CTNNA2: variants seen among roughly 807,000 people sequenced by gnomAD.
The protein encoded by CTNNA2 is catenin alpha-2.
CTNNA2 carries 42 observed loss-of-function variants against 101.0 expected under a neutral mutation model. The ratio of observed to expected loss-of-function variants is 0.42; its 90% confidence interval spans 0.32 to 0.54. The LOEUF is 0.54. Ranked by LOEUF, CTNNA2 falls within the 20% of genes least tolerant of loss-of-function variation. CTNNA2 has a pLI of 0.14. For missense variants in CTNNA2, 871 were observed against 1,223.1 expected, an observed-to-expected ratio of 0.71 and a Z score of 4.29; for synonymous variants, 450 against 456.4, an observed-to-expected ratio of 0.99 and a Z score of 0.18.
chr2:80,060,540 C>G (rs1366763383), intron 7 of CTNNA2, among the ~76,000 whole-genome samples: 1 of 152,196 alleles, frequency 6.6e-6, no homozygotes, highest in East Asian at 1.9e-4. Context: ...CCTCGCGTGC[C>G]TACCTCTCCC....
At chr2:80,553,042 C>A (rs1692711691) in intron 11 of CTNNA2, among the ~76,000 whole-genome samples, 1 of 148,092 alleles carries the variant, frequency 6.8e-6, no homozygotes, top group South Asian at 2.2e-4. Context: ...CATGGTGAAA[C>A]CCTGTCTTTA....
intron 16 of CTNNA2, among the ~76,000 whole-genome samples, chr2:80,607,416 G>T (rs1321303509): frequency 6.6e-6 from 1 of 151,850 alleles, no homozygotes; most frequent in African/African-American, 2.4e-5. Context: ...GTCTCTAGAA[G>T]TGTTCAGCCA....
chr2:80,442,657 C>T (rs1682698882), intron 9 of CTNNA2, among the ~76,000 whole-genome samples: 1 of 152,184 alleles, frequency 6.6e-6, no homozygotes, highest in Non-Finnish European at 1.5e-5. Flanking sequence ...TTTTACCCCT[C>T]TCTGTTTCCT....
chr2:79,431,776 T>C (rs140360175), intron 4 of CTNNA2, among the ~76,000 whole-genome samples: 2 of 152,262 alleles, frequency 1.3e-5, no homozygotes, highest in East Asian at 3.9e-4. Flanking sequence ...TATTCAGTAA[T>C]TGTTCTTAGC....
At chr2:80,028,840 G>T (rs1202076543) in intron 7 of CTNNA2, among the ~76,000 whole-genome samples, 1 of 152,178 alleles carries the variant, frequency 6.6e-6, no homozygotes, top group Non-Finnish European at 1.5e-5. Context: ...AAAAGATAAG[G>T]AAATAGATTT....
At chr2:79,533,498 G>GA (rs1277906383) in intron 1 of CTNNA2, among the ~76,000 whole-genome samples, 1 of 151,844 alleles carries the variant, frequency 6.6e-6, no homozygotes, top group Non-Finnish European at 1.5e-5. Context: ...TTGAGACTTA[G>GA]AAAAAAACAC....
At chr2:79,219,430 T>G (rs986172661) in intron 2 of CTNNA2, among the ~76,000 whole-genome samples, 2 of 152,214 alleles carry the variant, frequency 1.3e-5, no homozygotes, top group South Asian at 4.1e-4. Flanking sequence ...ATGTGGCTGG[T>G]GCAACTGAGG....
At chr2:80,004,426 C>T (rs1693182261) in intron 7 of CTNNA2, among the ~76,000 whole-genome samples, 1 of 152,100 alleles carries the variant, frequency 6.6e-6, no homozygotes, top group African/African-American at 2.4e-5. Flanking sequence ...ATGAACAAGT[C>T]AGAGATCGTT....
intron 2 of CTNNA2, among the ~76,000 whole-genome samples, chr2:79,671,598 C>G (rs1213450329): frequency 6.6e-6 from 1 of 152,170 alleles, no homozygotes; most frequent in Non-Finnish European, 1.5e-5. Flanking sequence ...CAATGGATTC[C>G]TTTTTAAGTG....
intron 1 of CTNNA2, among the ~76,000 whole-genome samples, chr2:79,563,165 A>G (rs979545464): frequency 2.9e-4 from 25 of 85,644 alleles, no homozygotes; most frequent in Non-Finnish European, 4.8e-4. Flanking sequence ...AGATGTGTAT[A>G]TATATATATA....
chr2:80,525,554 C>T (rs1689963159), intron 9 of CTNNA2, among the ~76,000 whole-genome samples: 1 of 152,182 alleles, frequency 6.6e-6, no homozygotes, highest in Non-Finnish European at 1.5e-5. Flanking sequence ...ACCCTGAATT[C>T]AGCTAAGCCT....
intron 7 of CTNNA2, among the ~76,000 whole-genome samples, chr2:79,995,463 T>C (rs183405806): frequency 2.8e-4 from 43 of 151,848 alleles, no homozygotes; most frequent in African/African-American, 9.7e-4. Context: ...CAAATCCAGA[T>C]TATCTACACA....
chr2:79,286,275 G>A (rs1286794710), intron 2 of CTNNA2, among the ~76,000 whole-genome samples: 2 of 152,118 alleles, frequency 1.3e-5, no homozygotes, highest in Non-Finnish European at 2.9e-5. Context: ...ATATTGTTAT[G>A]TGTGAATTTG....
At chr2:79,569,101 T>C (rs558788509) in intron 1 of CTNNA2, among the ~76,000 whole-genome samples, 4 of 152,192 alleles carry the variant, frequency 2.6e-5, no homozygotes, top group Non-Finnish European at 5.9e-5. Flanking sequence ...TAATCATTCA[T>C]TGATTTATTT....
At chr2:79,645,532 T>A (rs1007623718) in intron 1 of CTNNA2, among the ~76,000 whole-genome samples, 14 of 152,200 alleles carry the variant, frequency 9.2e-5, no homozygotes, top group Non-Finnish European at 2.1e-4. Flanking sequence ...GTTTTCAGAC[T>A]TGATTCTTGA....
At chr2:79,864,170 G>T (rs1681850557) in intron 4 of CTNNA2, among the ~76,000 whole-genome samples, 1 of 152,200 alleles carries the variant, frequency 6.6e-6, no homozygotes, top group Non-Finnish European at 1.5e-5. Context: ...GATAGCCTAT[G>T]CAGGAAAAGA....
intron 7 of CTNNA2, among the ~76,000 whole-genome samples, chr2:80,232,625 T>A (rs535392996): frequency 6.6e-6 from 1 of 152,170 alleles, no homozygotes; most frequent in South Asian, 2.1e-4. Context: ...TTTTGTGCCA[T>A]GTGCAGAGTA....
intron 2 of CTNNA2, among the ~76,000 whole-genome samples, chr2:79,200,821 A>G (rs1453020612): frequency 1.3e-5 from 2 of 152,186 alleles, no homozygotes; most frequent in Non-Finnish European, 2.9e-5. Flanking sequence ...TCCTTGAAAA[A>G]AAAAACTTTT....
intron 1 of CTNNA2, among the ~76,000 whole-genome samples, chr2:79,187,675 G>A (rs1673799121): frequency 6.6e-6 from 1 of 152,090 alleles, no homozygotes; most frequent in African/African-American, 2.4e-5. Context: ...CAGAATCATT[G>A]TAGCAAAAAA....
Sources: allele counts gnomAD v4.1 joint callset (sites outside exome capture counted in the v4.1 genomes callset), GRCh38; gene constraint gnomAD v4.1.1; transcripts MANE v1.5; gene names NCBI Gene and HGNC (gene_info 2026-07-23, HGNC 2026-07-21).